The following RNF150 variants were observed in gnomAD, a reference collection of about 807,000 sequenced individuals.
RNF150 encodes ring finger protein 150.
Under a neutral mutation model 39.3 loss-of-function variants are expected in RNF150, and 24 were observed. The observed-to-expected ratio is 0.61, with a 90% CI of 0.44 to 0.86. The LOEUF is 0.86. Among genes scored for constraint, RNF150 ranks in the 40% least tolerant of loss-of-function variants. The pLI, the probability that RNF150 is intolerant of heterozygous loss-of-function variation, is 0.00. For synonymous variants in RNF150, 255 were observed against 227.3 expected (o/e 1.12, Z -1.10); for missense variants, 502 against 587.8 (o/e 0.85, Z 1.51).
At chr4:141,189,979 C>A (rs1292258095) in intron 1 of RNF150, among the ~76,000 whole-genome samples, 1 of 152,114 alleles carries the variant, frequency 6.6e-6, no homozygotes, top group Non-Finnish European at 1.5e-5. Flanking sequence ...TTGGTGTCTG[C>A]CCAAACAGCT....
chr4:140,938,407 A>G lies in RNF150; in HGVS notation c.890+9247T>C, dbSNP rs184226799. Among the ~76,000 whole-genome samples, 357 of 152,298 alleles carry G rather than the reference A, an allele frequency of 2.3e-3. 4 individuals carry two copies. Among genetic ancestry groups the G allele is most frequent in the African/African-American group, 8.0e-3 (334 of 41,578 alleles). On this transcript the variant is annotated intron_variant, in intron 4 of 6. Transcript: ENST00000515673. ...TAAAGAGGGAATTTCACAAATGAAT[A>G]TCAGAGTCCAACTTTGATTTTGCCT...
In RNF150 at chr4:141,133,074, C is replaced by A. The variant is rs1726950745; in HGVS notation, c.-266G>T. The A allele has an allele frequency of 1.0e-5, 4 of 391,190 alleles. No individual in the cohort carries two copies. The highest frequency in any genetic ancestry group is 1.8e-5 in the Non-Finnish European group (4 of 216,708). The allele number at this position is 391,190 out of a possible 1,614,324, so 24.2% of individuals were successfully genotyped here. A position where few individuals can be genotyped will look rare whatever the true frequency, so the allele number is the denominator to read the frequency against. ...GGGGGGCGCGGGAACAGAGGGCCCG[C>A]GGGGCTTGCGGAGGAGTCCTGCTGC... On this transcript the variant is annotated 5_prime_UTR_variant, in exon 1 of 7. Coordinates refer to ENST00000515673, the MANE Select transcript of RNF150 (RefSeq NM_020724.2).
chr4:140,865,067 T>C lies in RNF150; in HGVS notation c.*3194A>G, dbSNP rs1385873045. 1 of 152,132 alleles carries C rather than the reference T, an allele frequency of 6.6e-6. No individual in the cohort carries two copies. Among genetic ancestry groups the C allele is most frequent in the East Asian group, 1.9e-4 (1 of 5,182 alleles). 9.4% of individuals were successfully genotyped at this position (152,132 alleles called of 1,614,324 possible). A position where few individuals can be genotyped will look rare whatever the true frequency, so the allele number is the denominator to read the frequency against. On this transcript the variant is annotated 3_prime_UTR_variant, in exon 7 of 7. Transcript: ENST00000515673. ...GAGAATACTGGAGGAACTCTAGACC[T>C]GCATTGTCCAATTGGCAGCCACTAG...
intron 2 of RNF150, among the ~76,000 whole-genome samples, chr4:140,962,070 TCTCTCTCTCTA>T (rs1229017980): frequency 2.1e-5 from 3 of 145,188 alleles, no homozygotes; most frequent in Non-Finnish European, 4.7e-5. Context: ...CTCTCTTCTC[TCTCTCTCTCTA>T]CTCTCTCTCT....
At chr4:141,177,054 GAAAAAAAAA>G (rs5862514) in intron 1 of RNF150, among the ~76,000 whole-genome samples, 3 of 111,700 alleles carry the variant, frequency 2.7e-5, no homozygotes, top group East Asian at 2.8e-4. Context: ...TGTCTCCTAG[GAAAAAAAAA>G]AAAAAAAAAA....
chr4:140,920,355 A>G (rs1731060358), intron 5 of RNF150, among the ~76,000 whole-genome samples: 1 of 102,734 alleles, frequency 9.7e-6, no homozygotes. Context: ...AAAACAAACA[A>G]CCCCATCAAA....
At chr4:141,119,003 C>T (rs1456329561) in intron 1 of RNF150, among the ~76,000 whole-genome samples, 4 of 152,152 alleles carry the variant, frequency 2.6e-5, no homozygotes, top group Admixed American at 2.6e-4. Flanking sequence ...TCAGGTGATC[C>T]ACTCGTCTAG....
chr4:140,898,800 C>T (rs3851423), intron 6 of RNF150, among the ~76,000 whole-genome samples: 85,128 of 152,054 alleles, frequency 0.56, 24,522 homozygotes, highest in East Asian at 0.84. Context: ...AGTGGCAGTA[C>T]TATTATGGGA....
At chr4:140,968,458 A>T (rs1733334583) in intron 1 of RNF150, among the ~76,000 whole-genome samples, 1 of 151,942 alleles carries the variant, frequency 6.6e-6, no homozygotes, top group Non-Finnish European at 1.5e-5. Flanking sequence ...GCCAACATGA[A>T]ATTATGGTCC....
At chr4:141,093,042 C>G (rs1025450133) in intron 1 of RNF150, among the ~76,000 whole-genome samples, 8 of 152,026 alleles carry the variant, frequency 5.3e-5, no homozygotes, top group Non-Finnish European at 8.8e-5. Flanking sequence ...GAAGACAAAG[C>G]CTAGGGGCTT....
At chr4:141,075,452 C>T (rs888972280) in intron 1 of RNF150, among the ~76,000 whole-genome samples, 3 of 152,198 alleles carry the variant, frequency 2.0e-5, no homozygotes, top group Non-Finnish European at 4.4e-5. Flanking sequence ...GAGGGTAGCA[C>T]TGATATCCAT....
chr4:141,126,809 A>C (rs901125803), intron 1 of RNF150, among the ~76,000 whole-genome samples: 2 of 152,222 alleles, frequency 1.3e-5, no homozygotes, highest in Non-Finnish European at 2.9e-5. Context: ...GATCAACTAA[A>C]CCAAACCTTG....
rs536701201 is a variant in RNF150, at chr4:141,025,039, C to A, written c.485-57166G>T. On this transcript the variant is annotated intron_variant, in intron 1 of 6. Transcript: ENST00000515673. The stretch of plus-strand genomic sequence containing the variant: ...ATCAAGTTTCAGGGATTAACTTTTT[C>A]TTTGGCATAATAAATTTGGAAGGTC... Among the ~76,000 whole-genome samples the A allele has an allele frequency of 3.3e-5, 5 of 152,210 alleles. No individual in the cohort carries two copies. In the East Asian group the frequency reaches 9.7e-4, roughly 29 times the overall value.
chr4:141,059,887 C>T (rs1737143122), intron 1 of RNF150, among the ~76,000 whole-genome samples: 1 of 152,008 alleles, frequency 6.6e-6, no homozygotes, highest in South Asian at 2.1e-4. Context: ...AAATTCACAA[C>T]AGAACCTAGT....
At chr4:140,997,705 C>CACACACATATATGTGTGTGTATATAT (rs1734430214) in intron 1 of RNF150, among the ~76,000 whole-genome samples, 1 of 148,096 alleles carries the variant, frequency 6.8e-6, no homozygotes, top group Non-Finnish European at 1.5e-5. Flanking sequence ...TGTATATATA[C>CACACACATATATGTGTGTGTATATAT]ACACACATAT....
intron 2 of RNF150, among the ~76,000 whole-genome samples, chr4:140,966,247 C>T (rs567949149): frequency 2.4e-4 from 37 of 151,892 alleles, no homozygotes; most frequent in African/African-American, 8.2e-4. Context: ...GGCCAAGGCA[C>T]GAGAATCTCT....
intron 1 of RNF150, among the ~76,000 whole-genome samples, chr4:141,110,266 G>A (rs574196593): frequency 2.0e-4 from 30 of 152,258 alleles, no homozygotes; most frequent in South Asian, 2.1e-4. Flanking sequence ...CAGCAGACCC[G>A]AGAGGAATCT....
At chr4:141,058,011 G>A (rs574097096) in intron 1 of RNF150, among the ~76,000 whole-genome samples, 1 of 152,228 alleles carries the variant, frequency 6.6e-6, no homozygotes, top group East Asian at 1.9e-4. Context: ...AGGGTGCTAT[G>A]AACTCCCAGA....
chr4:140,994,896 A>G (rs1268399150), intron 1 of RNF150, among the ~76,000 whole-genome samples: 1 of 152,164 alleles, frequency 6.6e-6, no homozygotes, highest in Admixed American at 6.5e-5. Flanking sequence ...TACATGAGGT[A>G]TTTTGATACA....
Sources: gnomAD v4.1 joint callset for allele counts (sites outside exome capture counted in the v4.1 genomes callset) on GRCh38, gnomAD v4.1.1 for gene constraint, MANE v1.5 for transcripts, NCBI Gene and HGNC (gene_info 2026-07-23, HGNC 2026-07-21) for gene names.